The following DAB1 variants were observed in gnomAD, a reference collection of about 807,000 sequenced individuals.
DAB1 encodes DAB adaptor protein 1.
DAB1 carries 15 observed loss-of-function variants against 64.6 expected under a neutral mutation model. The ratio of observed to expected loss-of-function variants is 0.23; its 90% CI spans 0.16 to 0.36. The LOEUF is 0.36. Ranked by LOEUF, DAB1 falls within the 10% of genes least tolerant of loss-of-function variation. The pLI is 1.00. For synonymous variants in DAB1, 235 were observed against 251.9 expected (o/e 0.93, Z 0.64); for missense variants, 596 against 706.7 (o/e 0.84, Z 1.78).
chr1:58,083,588 A>G (rs1461320984), intron 5 of DAB1, among the ~76,000 whole-genome samples: 3 of 152,258 alleles, frequency 2.0e-5, no homozygotes, highest in African/African-American at 7.2e-5. Context: ...TCAACCTATG[A>G]TAACATTTAA....
chr1:58,020,729 C>T (rs1267832120), intron 5 of DAB1, among the ~76,000 whole-genome samples: 1 of 152,086 alleles, frequency 6.6e-6, no homozygotes, highest in Non-Finnish European at 1.5e-5. Flanking sequence ...ACCAGCCAGG[C>T]GCGGTGGCTC....
At chr1:57,593,474 A>G (rs1187030488) in intron 7 of DAB1, among the ~76,000 whole-genome samples, 3 of 152,256 alleles carry the variant, frequency 2.0e-5, no homozygotes, top group Admixed American at 6.5e-5. Context: ...TGGGTGCACA[A>G]ATCAAACTAG....
chr1:57,358,132 C>T (rs191162179), intron 1 of DAB1, among the ~76,000 whole-genome samples: 7 of 152,114 alleles, frequency 4.6e-5, no homozygotes, highest in Admixed American at 3.3e-4. Flanking sequence ...ACTTTGAATG[C>T]CTTTTCTTTC....
chr1:57,854,060 C>T (rs1375329991), intron 1 of DAB1, among the ~76,000 whole-genome samples: 1 of 152,014 alleles, frequency 6.6e-6, no homozygotes, highest in East Asian at 1.9e-4. Flanking sequence ...ACTGTTTCTA[C>T]AAAAATAGAC....
intron 7 of DAB1, among the ~76,000 whole-genome samples, chr1:57,568,822 T>G (rs1558502622): frequency 6.6e-6 from 1 of 152,090 alleles, no homozygotes; most frequent in Non-Finnish European, 1.5e-5. Flanking sequence ...ACTTTTACAC[T>G]GTTGGTGGGA....
intron 2 of DAB1, among the ~76,000 whole-genome samples, chr1:57,227,880 A>C (rs1667391959): frequency 6.6e-6 from 1 of 152,170 alleles, no homozygotes; most frequent in South Asian, 2.1e-4. Context: ...TTCCTGATGC[A>C]CTGAAGCAAG....
chr1:57,417,791 CA>C (rs552272890), intron 1 of DAB1, among the ~76,000 whole-genome samples: 18 of 152,160 alleles, frequency 1.2e-4, no homozygotes, highest in Non-Finnish European at 2.5e-4. Context: ...CATTTTGATG[CA>C]TGTTCTACAT....
chr1:58,056,314 G>A (rs759833683), intron 5 of DAB1: 18 of 1,542,138 alleles, frequency 1.2e-5, no homozygotes, highest in East Asian at 2.2e-5. Flanking sequence ...GAAGACGCTC[G>A]CTTCAGAAAT....
At chr1:58,362,931 G>A (rs1388144365) in intron 3 of DAB1, among the ~76,000 whole-genome samples, 5 of 152,160 alleles carry the variant, frequency 3.3e-5, no homozygotes, top group Admixed American at 6.5e-5. Context: ...TTACATTTCC[G>A]GAGGCAGAGA....
chr1:57,234,585 T>C lies in DAB1; in HGVS notation c.67+56379A>G, dbSNP rs190013796. ...CATTTGTATTAGTTTCCTGCTGCCA[T>C]GTAACCAGTCACCACAGATTTGGTA... On this transcript the variant is annotated intron_variant, in intron 2 of 14. Coordinates refer to ENST00000371236, the MANE Select transcript of DAB1 (RefSeq NM_001365792.1). Among the ~76,000 whole-genome samples the C allele has an allele frequency of 2.6e-4, 39 of 152,324 alleles. 1 individual carries two copies. In the East Asian group the frequency reaches 6.7e-3, roughly 26 times the overall value.
At chr1:57,104,106 T>G (rs1018402359) in intron 4 of DAB1, among the ~76,000 whole-genome samples, 1 of 152,154 alleles carries the variant, frequency 6.6e-6, no homozygotes, top group African/African-American at 2.4e-5. Flanking sequence ...TGAATACACA[T>G]TCTGCAGTCT....
At chr1:57,566,224 C>A (rs1398343744) in intron 7 of DAB1, among the ~76,000 whole-genome samples, 1 of 152,098 alleles carries the variant, frequency 6.6e-6, no homozygotes, top group East Asian at 1.9e-4. Context: ...TCTTTGAAAC[C>A]AATGAGAACA....
chr1:58,089,816 G>A (rs1196253481), intron 5 of DAB1, among the ~76,000 whole-genome samples: 1 of 152,194 alleles, frequency 6.6e-6, no homozygotes, highest in Admixed American at 6.5e-5. Context: ...GATTACCTGG[G>A]CACTGTTTTC....
intron 7 of DAB1, among the ~76,000 whole-genome samples, chr1:57,591,310 A>T (rs975442834): frequency 6.6e-6 from 1 of 152,228 alleles, no homozygotes; most frequent in Admixed American, 6.5e-5. Flanking sequence ...TGGTATAATA[A>T]GATTTAGAGA....
chr1:57,251,460 G>C (rs1426771130), intron 2 of DAB1, among the ~76,000 whole-genome samples: 1 of 152,150 alleles, frequency 6.6e-6, no homozygotes, highest in Non-Finnish European at 1.5e-5. Flanking sequence ...AAATTGTCTA[G>C]CCTGCTAGAG....
chr1:57,411,534 T>G (rs1684113267), intron 1 of DAB1, among the ~76,000 whole-genome samples: 1 of 152,210 alleles, frequency 6.6e-6, no homozygotes. Context: ...CAGCACCTGT[T>G]ATTCACACTC....
At chr1:58,364,778 T>A (rs2100529098) in intron 3 of DAB1, among the ~76,000 whole-genome samples, 1 of 152,352 alleles carries the variant, frequency 6.6e-6, no homozygotes, top group East Asian at 1.9e-4. Context: ...ACTATCTTGG[T>A]TTCTGTGACT....
chr1:57,164,529 A>T (rs895919470), intron 2 of DAB1, among the ~76,000 whole-genome samples: 1 of 152,006 alleles, frequency 6.6e-6, no homozygotes, highest in Non-Finnish European at 1.5e-5. Flanking sequence ...AGCTGTGTTG[A>T]TTAGGGACAG....
intron 1 of DAB1, among the ~76,000 whole-genome samples, chr1:57,414,101 A>G (rs1313421779): frequency 1.3e-5 from 2 of 152,222 alleles, no homozygotes; most frequent in Admixed American, 6.5e-5. Context: ...ACAGCAAAGG[A>G]TTTACATAAA....
Sources: gnomAD v4.1 joint callset for allele counts (sites outside exome capture counted in the v4.1 genomes callset) on GRCh38, gnomAD v4.1.1 for gene constraint, MANE v1.5 for transcripts, NCBI Gene and HGNC (gene_info 2026-07-23, HGNC 2026-07-21) for gene names.